The following CDH23 variants were observed in gnomAD, a reference collection of about 807,000 sequenced individuals.
CDH23 encodes the protein cadherin-23.
A neutral mutation model predicts 317.1 loss-of-function variants in CDH23; 189 were observed. The ratio of observed to expected loss-of-function variants is 0.60; its 90% CI spans 0.53 to 0.67. The LOEUF is 0.67. Among genes scored for constraint, CDH23 ranks in the 30% least tolerant of loss-of-function variants. CDH23 has a pLI of 0.00. For synonymous variants in CDH23, 1,839 were observed against 1,876.8 expected (o/e 0.98, Z 0.52); for missense variants, 4,401 against 4,592.4 (o/e 0.96, Z 1.20).
At chr10:71,761,846 G>C (rs1292198933) in intron 38 of CDH23, 1 of 1,614,136 alleles carries the variant, frequency 6.2e-7, no homozygotes. Flanking sequence ...GTTGCGGATG[G>C]GCCGGCGCTC....
intron 14 of CDH23, among the ~76,000 whole-genome samples, chr10:71,673,215 C>T (rs1033389437): frequency 1.3e-5 from 2 of 152,258 alleles, no homozygotes; most frequent in Admixed American, 6.5e-5. Flanking sequence ...CAGGTGCCTG[C>T]CCTGCCCTCG....
chr10:71,703,884 G>C (rs1305245817), intron 24 of CDH23, among the ~76,000 whole-genome samples: 3 of 152,248 alleles, frequency 2.0e-5, no homozygotes, highest in Non-Finnish European at 4.4e-5. Context: ...AGCGAAGAAA[G>C]ATGCCCACCA....
chr10:71,574,169 A>T lies in CDH23; in HGVS notation c.753+3251A>T, dbSNP rs10823788. ...CGGGGCCCCCACCGGACCTTTCCCC[A>T]CTCTCCCCAACTCCCCCTCTTTATC... On this transcript the variant is annotated intron_variant, in intron 8 of 69. Coordinates refer to ENST00000224721, the MANE Select transcript of CDH23 (RefSeq NM_022124.6). Among the ~76,000 whole-genome samples the T allele has an allele frequency of 2.6e-5, 3 of 113,406 alleles. No homozygotes were observed. In the South Asian group the frequency reaches 7.7e-4, roughly 29 times the overall value. 74.4% of individuals were successfully genotyped at this position (113,406 alleles called of 152,430 possible).
rs542189841 is a variant in CDH23 at position 71,679,238 on chromosome 10, G to A, written c.1753-149G>A. ...TGAAGCACAAGGGGTGCCTCCTGGC[G>A]TCCTGGGCCAGGACAAGACCCAGGG... On this transcript the variant is annotated intron_variant, in intron 16 of 69. Transcript: ENST00000224721. 1,045 of 643,098 alleles carry A rather than the reference G, an allele frequency of 1.6e-3. 11 individuals are homozygous for A. The highest frequency in any genetic ancestry group is 0.016 in the African/African-American group (881 of 55,544). 39.8% of individuals were successfully genotyped at this position (643,098 alleles called of 1,614,324 possible). A position where few individuals can be genotyped will look rare whatever the true frequency, so the allele number is the denominator to read the frequency against.
At chr10:71,777,655 G>T (rs748011827) in intron 38 of CDH23, 25 bp from the exon 39 acceptor site, 2 of 1,588,666 alleles carry the variant, frequency 1.3e-6, no homozygotes, top group Non-Finnish European at 1.7e-6. Context: ...ACCTGACCAA[G>T]GACGTGACCC....
At chr10:71,770,656 A>G (rs940400238) in intron 38 of CDH23, among the ~76,000 whole-genome samples, 11 of 152,090 alleles carry the variant, frequency 7.2e-5, no homozygotes, top group African/African-American at 2.7e-4. Flanking sequence ...CTCCTTGAGG[A>G]TCCCTTTCTT....
At chr10:71,480,772 G>A (rs1852027118) in intron 3 of CDH23, among the ~76,000 whole-genome samples, 1 of 151,948 alleles carries the variant, frequency 6.6e-6, no homozygotes. Context: ...GATGGGGGCG[G>A]CTGTGTGGTC....
chr10:71,570,646 G>A, intron 7 of CDH23, 144 bp from the exon 8 acceptor site: 2 of 862,486 alleles, frequency 2.3e-6, no homozygotes, highest in Non-Finnish European at 3.5e-6. Context: ...CTGCTGGAGT[G>A]CAAGAGCATG....
chr10:71,507,928 T>C (rs932957117), intron 3 of CDH23, among the ~76,000 whole-genome samples: 1 of 152,250 alleles, frequency 6.6e-6, no homozygotes, highest in Non-Finnish European at 1.5e-5. Flanking sequence ...CATTGTGCTT[T>C]GGGCAACTTG....
At chr10:71,476,885 T>TG (rs891416685) in intron 3 of CDH23, among the ~76,000 whole-genome samples, 3 of 152,122 alleles carry the variant, frequency 2.0e-5, no homozygotes, top group African/African-American at 7.2e-5. Flanking sequence ...TGAGAGAATC[T>TG]GGGAACAGTG....
chr10:71,620,599 G>A (rs561236480), intron 11 of CDH23, among the ~76,000 whole-genome samples: 4 of 152,254 alleles, frequency 2.6e-5, no homozygotes, highest in East Asian at 3.9e-4. Flanking sequence ...TGGCACACCC[G>A]CTGCAGTCAG....
At chr10:71,676,095 A>T (rs200691694) in intron 15 of CDH23, among the ~76,000 whole-genome samples, 109 of 148,078 alleles carry the variant, frequency 7.4e-4, no homozygotes, top group East Asian at 1.2e-3. Context: ...TTTAGTAGAG[A>T]TGGGGTTTCA....
chr10:71,809,167 C>CTTTTTTTT (rs61078259), intron 60 of CDH23, among the ~76,000 whole-genome samples: 64 of 68,816 alleles, frequency 9.3e-4, no homozygotes, highest in Non-Finnish European at 1.0e-3. Context: ...TTTCTTTTTC[C>CTTTTTTTT]TTTTTTTTTT....
rs1362120627 is a variant in CDH23 at position 71,515,384 on chromosome 10, TCTCTCTCTCTCA to T, written c.429+4174_429+4185del. On this transcript the variant is annotated intron_variant, in intron 6 of 69. Coordinates refer to ENST00000224721, the MANE Select transcript of CDH23 (RefSeq NM_022124.6). ...CTCTCTCTCTCTCTCTCTCTCTCTC[TCTCTCTCTCTCA>T]CACACACACACACACACACACACGC... Among the ~76,000 whole-genome samples the T allele has an allele frequency of 3.5e-3, 444 of 126,990 alleles. 1 individual carries two copies. The highest frequency in any genetic ancestry group is 0.017 in the South Asian group (70 of 4,002). The allele number at this position is 126,990 out of a possible 152,430, so 83.3% of individuals were successfully genotyped here.
chr10:71,716,645 A>T (rs144352607), intron 28 of CDH23: 1 of 301,206 alleles, frequency 3.3e-6, no homozygotes, highest in East Asian at 5.6e-5. Flanking sequence ...AATCCTCATG[A>T]ATCATCACAG....
intron 3 of CDH23, among the ~76,000 whole-genome samples, chr10:71,478,527 A>G (rs897592373): frequency 3.3e-5 from 5 of 152,346 alleles, no homozygotes; most frequent in African/African-American, 7.2e-5. Flanking sequence ...GCAGCCCTGC[A>G]TGATAGAGCT....
At chr10:71,537,727 C>T (rs1376303112) in intron 6 of CDH23, among the ~76,000 whole-genome samples, 5 of 152,202 alleles carry the variant, frequency 3.3e-5, no homozygotes, top group Admixed American at 2.6e-4. Flanking sequence ...TCCTAGGCCC[C>T]AAATCGACAG....
intron 53 of CDH23, among the ~76,000 whole-genome samples, chr10:71,802,560 T>TG (rs1841586358): frequency 6.6e-6 from 1 of 152,068 alleles, no homozygotes; most frequent in Non-Finnish European, 1.5e-5. Flanking sequence ...TAGGGCCCTG[T>TG]GGGGAGCAGC....
chr10:71,732,792 G>A (rs1205472252), intron 32 of CDH23: 5 of 872,776 alleles, frequency 5.7e-6, no homozygotes, highest in African/African-American at 1.8e-5. Context: ...TCTGGTCATC[G>A]AAGTGTGTGT....
Sources: gnomAD v4.1 joint callset for allele counts (sites outside exome capture counted in the v4.1 genomes callset) on GRCh38, gnomAD v4.1.1 for gene constraint, MANE v1.5 for transcripts, NCBI Gene and HGNC (gene_info 2026-07-23, HGNC 2026-07-21) for gene names.